The following NUDT7 variants were observed in gnomAD, a reference collection of about 807,000 sequenced individuals.
The protein encoded by NUDT7 is nudix hydrolase 7.
Under a neutral mutation model 13.1 loss-of-function variants are expected in NUDT7, and 19 were observed. The ratio of observed to expected loss-of-function variants is 1.45; its 90% CI spans 1.01 to 2.13. The LOEUF is 2.13. NUDT7 is among the 30% of genes most tolerant of loss of function. NUDT7 has a pLI of 0.00. For synonymous variants in NUDT7, 132 were observed against 109.7 expected (o/e 1.20, Z -1.27); for missense variants, 360 against 291.7 (o/e 1.23, Z -1.71).
chr16:77,722,697 G>C, intron 1 of NUDT7, 80 bp downstream of exon 1: 1 of 1,402,108 alleles, frequency 7.1e-7, no homozygotes, highest in Non-Finnish European at 9.8e-7. Flanking sequence ...GGGGCCTTTT[G>C]GCCGGGACTG....
intron 2 of NUDT7, among the ~76,000 whole-genome samples, chr16:77,729,978 C>T (rs12102281): frequency 0.15 from 18,636 of 124,294 alleles, 1,770 homozygotes; most frequent in African/African-American, 0.35. Flanking sequence ...TTACCACACA[C>T]ATTACCTCAC....
intron 2 of NUDT7, among the ~76,000 whole-genome samples, chr16:77,730,554 C>G (rs2014288318): frequency 6.6e-6 from 1 of 152,088 alleles, no homozygotes; most frequent in South Asian, 2.1e-4. Flanking sequence ...CCATTGTGAA[C>G]AATGCTGCAG....
rs1023558460 is a variant in NUDT7, at chr16:77,724,496, C to T, written c.36-935C>T. ...CCATGTTGACCAGGCTGGTTTCAAA[C>T]TCCTGGGCCCAAGCAATTCTCCCGC... On this transcript the variant is annotated intron_variant, in intron 1 of 3. Transcript: ENST00000268533. Among the ~76,000 whole-genome samples the T allele has an allele frequency of 4.0e-5, 6 of 151,512 alleles. No homozygotes were observed. In the South Asian group the frequency reaches 1.3e-3, roughly 32 times the overall value.
In NUDT7 at chr16:77,741,983, G is replaced by A. The variant is rs1397751035; in HGVS notation, c.*33G>A. On this transcript the variant is annotated 3_prime_UTR_variant, in exon 4 of 4. Transcript: ENST00000268533. ...GAGCAAGAGACAAAGAACTATTCAC[G>A]AGGATTCTGTGTGTGCTTATTCGTA... 6 of 1,536,588 alleles carry A rather than the reference G, an allele frequency of 3.9e-6. No individual in the cohort carries two copies. The highest frequency in any genetic ancestry group is 1.4e-5 in the African/African-American group (1 of 72,468).
intron 3 of NUDT7, 104 bp from the exon 4 acceptor site, chr16:77,741,478 A>T (rs1357205026): frequency 8.3e-7 from 1 of 1,211,926 alleles, no homozygotes; most frequent in East Asian, 2.4e-5. Flanking sequence ...CCCTTCTCCC[A>T]GGTTCGGTGT....
chr16:77,736,058 C>A, intron 3 of NUDT7, 72 bp downstream of exon 3: 1 of 1,414,618 alleles, frequency 7.1e-7, no homozygotes, highest in Non-Finnish European at 9.9e-7. Flanking sequence ...CAGGATTCCA[C>A]ATTTTCCAAA....
chr16:77,722,701 G>C, intron 1 of NUDT7, 84 bp downstream of exon 1: 1 of 1,387,762 alleles, frequency 7.2e-7, no homozygotes, highest in Non-Finnish European at 1.0e-6. Context: ...CCTTTTGGCC[G>C]GGACTGATTT....
At chr16:77,726,592 C>G (rs915291181) in intron 2 of NUDT7, among the ~76,000 whole-genome samples, 2 of 151,952 alleles carry the variant, frequency 1.3e-5, no homozygotes, top group African/African-American at 4.8e-5. Flanking sequence ...GTCAGCAGTT[C>G]GAGACAAGCC....
chr16:77,741,395 G>A lies in NUDT7; in HGVS notation c.349-187G>A, dbSNP rs112489572. 3.4e-4 allele frequency: 192 copies of A among 560,182 alleles called. 1 individual carries two copies. Among genetic ancestry groups the A allele is most frequent in the African/African-American group, 3.1e-3 (165 of 53,474 alleles). The allele number at this position is 560,182 out of a possible 1,614,324, so 34.7% of individuals were successfully genotyped here. On this transcript the variant is annotated intron_variant, in intron 3 of 3. Coordinates refer to ENST00000268533, the MANE Select transcript of NUDT7 (RefSeq NM_001105663.3). Reference sequence around the variant, plus strand: ...TCATTTTCAGAGTCATCTCATAGATGTCACCTCAGGTAGAGCAGGATGACT... The same window carrying A: ...TCATTTTCAGAGTCATCTCATAGATATCACCTCAGGTAGAGCAGGATGACT...
chr16:77,723,606 T>C (rs756880856), intron 1 of NUDT7, among the ~76,000 whole-genome samples: 1 of 151,000 alleles, frequency 6.6e-6, no homozygotes, highest in Non-Finnish European at 1.5e-5. Flanking sequence ...TTTTTTTTTT[T>C]TTTTGAGACA....
chr16:77,723,083 A>T (rs1465292400), intron 1 of NUDT7, among the ~76,000 whole-genome samples: 2 of 152,192 alleles, frequency 1.3e-5, no homozygotes, highest in African/African-American at 4.8e-5. Flanking sequence ...GTCAAAATTG[A>T]GACCATGCTC....
In NUDT7 at chr16:77,725,289, T is replaced by C. The variant is rs185690329; in HGVS notation, c.36-142T>C. 4,283 of 677,894 alleles carry C rather than the reference T, an allele frequency of 6.3e-3. 22 individuals are homozygous for C. Among genetic ancestry groups the C allele is most frequent in the East Asian group, 0.016 (578 of 36,488 alleles). The allele number at this position is 677,894 out of a possible 1,614,324, so 42.0% of individuals were successfully genotyped here. ...CACGCAATTTAGATAGTATCATTTCTGTCGTGTTATTGAAAAATACACAGA... is the reference window on the plus strand; with the variant it reads ...CACGCAATTTAGATAGTATCATTTCCGTCGTGTTATTGAAAAATACACAGA... On this transcript the variant is annotated intron_variant, in intron 1 of 3. Transcript: ENST00000268533.
intron 2 of NUDT7, 46 bp downstream of exon 2, chr16:77,725,630 A>C (rs768608354): frequency 1.9e-6 from 3 of 1,575,224 alleles, no homozygotes; most frequent in African/African-American, 1.4e-5. Flanking sequence ...AGGACATCAG[A>C]AGACCTCACG....
At chr16:77,734,403 C>T (rs1159789979) in intron 2 of NUDT7, among the ~76,000 whole-genome samples, 1 of 152,138 alleles carries the variant, frequency 6.6e-6, no homozygotes, top group Non-Finnish European at 1.5e-5. Context: ...GAGGGCAGAT[C>T]ACGAGGTCAG....
At position 77,741,564 on chromosome 16, in the gene NUDT7, T is replaced by C; in HGVS notation, c.349-18T>C. On this transcript the variant is annotated intron_variant, in intron 3 of 3. Transcript: ENST00000268533. ...TCACTTCACTTCTTAATTTGTCTGT[T>C]TTGTTTTCTGCTTTTAGACAGATAC... 2.5e-6 allele frequency: 4 copies of C among 1,571,484 alleles called. No homozygotes were observed. Among genetic ancestry groups the C allele is most frequent in the Non-Finnish European group, 3.4e-6 (4 of 1,162,702 alleles).
intron 2 of NUDT7, among the ~76,000 whole-genome samples, chr16:77,733,365 C>T (rs2014377425): frequency 6.6e-6 from 1 of 152,178 alleles, no homozygotes; most frequent in Admixed American, 6.5e-5. Context: ...TTTCAGTGTC[C>T]TTACAGGGAA....
chr16:77,741,518 AT>A, intron 3 of NUDT7, 63 bp from the exon 4 acceptor site: 1 of 1,490,180 alleles, frequency 6.7e-7, no homozygotes, highest in Non-Finnish European at 8.9e-7. Context: ...AAGTGGCATG[AT>A]TTTAGGATTT....
intron 2 of NUDT7, among the ~76,000 whole-genome samples, chr16:77,734,596 T>C (rs1022801458): frequency 6.6e-6 from 1 of 152,040 alleles, no homozygotes; most frequent in African/African-American, 2.4e-5. Context: ...CACTCCAGCG[T>C]GGGACACAGA....
chr16:77,734,829 C>G (rs558655930), intron 2 of NUDT7, among the ~76,000 whole-genome samples: 1 of 152,062 alleles, frequency 6.6e-6, no homozygotes, highest in Admixed American at 6.5e-5. Flanking sequence ...AGACAGAAAG[C>G]AGGGACAGAG....
Sources: gnomAD v4.1 joint callset for allele counts (sites outside exome capture counted in the v4.1 genomes callset) on GRCh38, gnomAD v4.1.1 for gene constraint, MANE v1.5 for transcripts, NCBI Gene and HGNC (gene_info 2026-07-23, HGNC 2026-07-21) for gene names.